The following RERE variants were observed in gnomAD, a reference collection of about 807,000 sequenced individuals.
The protein encoded by RERE is arginine-glutamic acid dipeptide repeats.
RERE carries 40 observed loss-of-function variants against 146.1 expected under a neutral mutation model. That is an observed-to-expected ratio of 0.27 (90% confidence interval 0.21 to 0.36). RERE has a LOEUF of 0.36. Ranked by LOEUF, RERE falls within the 10% of genes least tolerant of loss-of-function variation. RERE has a pLI of 1.00. For synonymous variants in RERE, 1,003 were observed against 866.0 expected, an observed-to-expected ratio of 1.16 and a Z score of -2.78; for missense variants, 1,933 against 2,138.7, an observed-to-expected ratio of 0.90 and a Z score of 1.90.
At chr1:8,432,122 T>A (rs1379827166) in intron 11 of RERE, among the ~76,000 whole-genome samples, 2 of 152,196 alleles carry the variant, frequency 1.3e-5, no homozygotes, top group Non-Finnish European at 2.9e-5. Context: ...TAATGTGTTC[T>A]CTTATTTGAA....
chr1:8,576,838 T>C (rs941729577), intron 4 of RERE, among the ~76,000 whole-genome samples: 1 of 152,188 alleles, frequency 6.6e-6, no homozygotes, highest in Non-Finnish European at 1.5e-5. Flanking sequence ...TACAAACATA[T>C]TCATCTGTTT....
At chr1:8,575,490 A>G (rs1453604879) in intron 4 of RERE, among the ~76,000 whole-genome samples, 1 of 147,092 alleles carries the variant, frequency 6.8e-6, no homozygotes, top group Non-Finnish European at 1.5e-5. Context: ...CAGACTCCCA[A>G]GTAGCTAGGA....
chr1:8,780,695 T>A (rs1641147848), intron 1 of RERE, among the ~76,000 whole-genome samples: 1 of 152,210 alleles, frequency 6.6e-6, no homozygotes, highest in African/African-American at 2.4e-5. Flanking sequence ...GATGCTTACC[T>A]CTCTGCTGGA....
At chr1:8,559,145 T>TG (rs370905555) in intron 4 of RERE, among the ~76,000 whole-genome samples, 333 of 148,764 alleles carry the variant, frequency 2.2e-3, no homozygotes, top group African/African-American at 7.6e-3. Flanking sequence ...CCGGGTATGG[T>TG]GGGGCATGCC....
chr1:8,690,955 T>G (rs1639193991), intron 1 of RERE, among the ~76,000 whole-genome samples: 1 of 152,200 alleles, frequency 6.6e-6, no homozygotes, highest in Non-Finnish European at 1.5e-5. Context: ...TGGAATGCAG[T>G]GGTGCAATCT....
chr1:8,363,103 T>C (rs1184152684), intron 15 of RERE, among the ~76,000 whole-genome samples: 1 of 152,250 alleles, frequency 6.6e-6, no homozygotes, highest in African/African-American at 2.4e-5. Context: ...CCCAAGGGAC[T>C]GTCCTGAACA....
chr1:8,553,024 C>CACTA (rs1435801373), intron 6 of RERE, among the ~76,000 whole-genome samples: 6 of 151,856 alleles, frequency 4.0e-5, no homozygotes, highest in African/African-American at 1.5e-4. Flanking sequence ...AACACTGCAC[C>CACTA]ACTAGGCCAG....
chr1:8,415,718 G>A (rs540851969), intron 12 of RERE, among the ~76,000 whole-genome samples: 11 of 152,300 alleles, frequency 7.2e-5, no homozygotes, highest in Admixed American at 5.2e-4. Flanking sequence ...TTACCCTCAC[G>A]AAAACTGGAC....
chr1:8,482,811 C>A (rs1270869070), intron 10 of RERE, among the ~76,000 whole-genome samples: 5 of 151,392 alleles, frequency 3.3e-5, no homozygotes, highest in Admixed American at 1.3e-4. Flanking sequence ...CAGGTGAACA[C>A]CTAAACACTT....
At chr1:8,800,604 G>C (rs1359946871) in intron 1 of RERE, among the ~76,000 whole-genome samples, 1 of 152,018 alleles carries the variant, frequency 6.6e-6, no homozygotes, top group African/African-American at 2.4e-5. Flanking sequence ...CAAGAGTTAA[G>C]AGGCTGCAGT....
chr1:8,596,530 A>C (rs1277630159), intron 4 of RERE, among the ~76,000 whole-genome samples: 1 of 152,102 alleles, frequency 6.6e-6, no homozygotes, highest in Non-Finnish European at 1.5e-5. Flanking sequence ...AATTTAACTA[A>C]GGGTCTTGCT....
At chr1:8,751,078 C>A (rs1264834264) in intron 1 of RERE, 16 of 520,084 alleles carry the variant, frequency 3.1e-5, no homozygotes, top group East Asian at 3.5e-5. Flanking sequence ...CTCCATGAGG[C>A]GGAATGAAGA....
intron 11 of RERE, among the ~76,000 whole-genome samples, chr1:8,454,893 C>T (rs1044360126): frequency 2.0e-5 from 3 of 152,076 alleles, no homozygotes; most frequent in Admixed American, 6.5e-5. Flanking sequence ...TTTCTTGAGG[C>T]CACACAGGTG....
intron 7 of RERE, among the ~76,000 whole-genome samples, chr1:8,539,155 A>G (rs999342485): frequency 6.6e-6 from 1 of 152,250 alleles, no homozygotes; most frequent in African/African-American, 2.4e-5. Context: ...AATAAGCACA[A>G]TATCACTAAA....
intron 12 of RERE, among the ~76,000 whole-genome samples, chr1:8,389,515 C>T (rs1308317543): frequency 6.6e-6 from 1 of 152,122 alleles, no homozygotes; most frequent in African/African-American, 2.4e-5. Context: ...CACCCTAGCA[C>T]GAAAAGCCAA....
At chr1:8,657,306 C>CA (rs1400489828) in intron 1 of RERE, among the ~76,000 whole-genome samples, 268 of 13,992 alleles carry the variant, frequency 0.019, 3 homozygotes, top group African/African-American at 0.05. Flanking sequence ...GACTCCGTCT[C>CA]AAAAAAAAAA....
intron 12 of RERE, chr1:8,380,999 G>C: frequency 2.2e-6 from 1 of 456,616 alleles, no homozygotes; most frequent in South Asian, 1.5e-5. Context: ...TCCTGCCTCT[G>C]ACCCCAGGAT....
intron 4 of RERE, among the ~76,000 whole-genome samples, chr1:8,611,138 T>C (rs1438045371): frequency 2.0e-5 from 3 of 151,876 alleles, no homozygotes; most frequent in Non-Finnish European, 4.4e-5. Flanking sequence ...GAGGTTGCAG[T>C]GAGCTGAGAT....
intron 1 of RERE, among the ~76,000 whole-genome samples, chr1:8,700,170 T>C (rs181669486): frequency 2.3e-3 from 350 of 152,090 alleles, no homozygotes; most frequent in African/African-American, 8.3e-3. Context: ...CCAGGCGTGG[T>C]GGCACACGCT....
Sources: gnomAD v4.1 joint callset for allele counts (sites outside exome capture counted in the v4.1 genomes callset) on GRCh38, gnomAD v4.1.1 for gene constraint, MANE v1.5 for transcripts, NCBI Gene and HGNC (gene_info 2026-07-23, HGNC 2026-07-21) for gene names.